Variants in COX10 observed in about 807,000 individuals in gnomAD.
COX10 encodes the protein cytochrome c oxidase assembly factor heme A:farnesyltransferase COX10.
COX10 carries 27 observed loss-of-function variants against 37.3 expected under a neutral mutation model. The ratio of observed to expected loss-of-function variants is 0.72; its 90% CI spans 0.53 to 1.00. The LOEUF (loss-of-function observed/expected upper bound fraction) is 1.00, where lower values mean the gene tolerates loss of function less well. Ranked by LOEUF, COX10 falls within the 50% of genes least tolerant of loss-of-function variation. The pLI is 0.00. For missense variants in COX10, 475 were observed against 563.2 expected (o/e 0.84, Z 1.59); for synonymous variants, 222 against 229.1 (o/e 0.97, Z 0.28).
intron 3 of COX10, among the ~76,000 whole-genome samples, chr17:14,080,513 A>G (rs1003781099): frequency 5.9e-5 from 9 of 152,178 alleles, no homozygotes; most frequent in Admixed American, 5.9e-4. Context: ...GCACCCGGCC[A>G]GCATTTGGGA....
intron 2 of COX10, among the ~76,000 whole-genome samples, 180 bp from the exon 3 acceptor site, chr17:14,076,555 C>G (rs188034832): frequency 6.6e-6 from 1 of 152,110 alleles, no homozygotes; most frequent in African/African-American, 2.4e-5. Context: ...TTCTCCATAT[C>G]TCTTAGTATA....
chr17:14,094,732 A>C (rs1225725998), intron 3 of COX10, among the ~76,000 whole-genome samples: 1 of 152,222 alleles, frequency 6.6e-6, no homozygotes, highest in Non-Finnish European at 1.5e-5. Flanking sequence ...TGTAAAGTCC[A>C]AGTGCAGTGA....
At chr17:14,145,825 G>C (rs894052304) in intron 4 of COX10, among the ~76,000 whole-genome samples, 1 of 152,132 alleles carries the variant, frequency 6.6e-6, no homozygotes, top group Admixed American at 6.6e-5. Flanking sequence ...AAAATAGCCT[G>C]AATTAAGGAA....
chr17:14,201,940 T>C (rs917309), intron 6 of COX10, among the ~76,000 whole-genome samples: 113,410 of 152,066 alleles, frequency 0.75, 42,808 homozygotes, highest in Non-Finnish European at 0.81. Flanking sequence ...CATCAAAATA[T>C]AAAGAAGTCT....
At chr17:14,106,103 A>G (rs1423296471) in intron 4 of COX10, among the ~76,000 whole-genome samples, 1 of 151,682 alleles carries the variant, frequency 6.6e-6, no homozygotes, top group East Asian at 1.9e-4. Context: ...AACCTCCTCC[A>G]CCTCCTGGGT....
intron 1 of COX10, among the ~76,000 whole-genome samples, chr17:14,070,085 G>T (rs1179363104): frequency 6.6e-6 from 1 of 152,184 alleles, no homozygotes; most frequent in Admixed American, 6.5e-5. Flanking sequence ...CAACGTTGAT[G>T]ATAATGACAG....
rs933065071 is a variant in COX10, at chr17:14,076,078, A to T, written c.178-657A>T. Among the ~76,000 whole-genome samples, 27 of 149,408 alleles carry T rather than the reference A, an allele frequency of 1.8e-4. 1 individual carries two copies. The Admixed American group carries it at 1.8e-3, about 10-fold the overall frequency. On this transcript the variant is annotated intron_variant, in intron 2 of 6. Coordinates refer to ENST00000261643, the MANE Select transcript of COX10 (RefSeq NM_001303.4). ...CTATGCTGTTTGCCTGAGAACATGG[A>T]AAGTCAACAGGTTGACTTGGGCTCT... is the stretch of plus-strand genomic sequence containing the variant.
chr17:14,085,407 T>C (rs1033570178), intron 3 of COX10, among the ~76,000 whole-genome samples: 5 of 152,214 alleles, frequency 3.3e-5, no homozygotes, highest in Admixed American at 1.3e-4. Context: ...TTTTAAAGGT[T>C]GATAGTATTC....
chr17:14,188,769 A>T (rs932150539), intron 5 of COX10, among the ~76,000 whole-genome samples: 6 of 152,174 alleles, frequency 3.9e-5, no homozygotes, highest in African/African-American at 1.4e-4. Context: ...TGATGAGAGG[A>T]ATGAGCAGGA....
intron 5 of COX10, among the ~76,000 whole-genome samples, chr17:14,161,318 T>C (rs1219410841): frequency 6.6e-6 from 1 of 152,198 alleles, no homozygotes; most frequent in Non-Finnish European, 1.5e-5. Flanking sequence ...CTAGAATCCC[T>C]AATGTCCAAA....
chr17:14,202,722 C>G (rs1906581619), intron 6 of COX10, among the ~76,000 whole-genome samples: 1 of 151,506 alleles, frequency 6.6e-6, no homozygotes, highest in Non-Finnish European at 1.5e-5. Context: ...TGAGTAACCC[C>G]CCTCTGCCAC....
At chr17:14,161,324 C>G (rs1448429934) in intron 5 of COX10, among the ~76,000 whole-genome samples, 1 of 152,112 alleles carries the variant, frequency 6.6e-6, no homozygotes, top group Non-Finnish European at 1.5e-5. Context: ...TCCCTAATGT[C>G]CAAAGGCCCG....
chr17:14,192,992 TACACTCCA>T (rs1257014933), intron 6 of COX10, among the ~76,000 whole-genome samples: 2 of 152,196 alleles, frequency 1.3e-5, no homozygotes, highest in African/African-American at 4.8e-5. Context: ...TAAAAGCTCT[TACACTCCA>T]ATTTGGCAAG....
intron 3 of COX10, among the ~76,000 whole-genome samples, chr17:14,089,202 G>C (rs1392292198): frequency 6.6e-6 from 1 of 152,246 alleles, no homozygotes; most frequent in Non-Finnish European, 1.5e-5. Context: ...ACATGAAGCT[G>C]CCTGCCTCTT....
rs548738011 is a variant in COX10, at chr17:14,080,919, C to A, written c.499+3863C>A. 2.6e-5 allele frequency among the ~76,000 whole-genome samples: 4 copies of A among 152,136 alleles called. No homozygotes were observed. In the East Asian group the frequency reaches 7.7e-4, roughly 29 times the overall value. On this transcript the variant is annotated intron_variant, in intron 3 of 6. Transcript: ENST00000261643. Reference sequence around the variant, plus strand: ...TTTCATCACCCTGTGGTTACAAAAACATTCACTCATGTTTTCCTCTGATGC... The same window carrying A: ...TTTCATCACCCTGTGGTTACAAAAAAATTCACTCATGTTTTCCTCTGATGC...
chr17:14,074,544 T>C, intron 2 of COX10, 88 bp downstream of exon 2: 1 of 1,261,400 alleles, frequency 7.9e-7, no homozygotes, highest in Non-Finnish European at 1.2e-6. Context: ...AATTAAAGTT[T>C]TAAGAAATAC....
intron 3 of COX10, among the ~76,000 whole-genome samples, chr17:14,091,740 G>T (rs545646853): frequency 6.6e-6 from 1 of 152,098 alleles, no homozygotes; most frequent in Non-Finnish European, 1.5e-5. Context: ...GTAGCTAAAC[G>T]CTAAATACCA....
intron 5 of COX10, among the ~76,000 whole-genome samples, chr17:14,168,252 C>A (rs2142245821): frequency 6.6e-6 from 1 of 152,382 alleles, no homozygotes; most frequent in Middle Eastern, 3.4e-3. Context: ...CCAGGGCACA[C>A]TGATGCAAGG....
At position 14,159,926 on chromosome 17, in the gene COX10, C is replaced by T. The variant is rs104894556; in HGVS notation, c.674C>T (p.Pro225Leu). ...DSNMNRTKNR[P>L]LVRGQISPLL... is the part of the protein sequence containing the mutation. ...AACATGAATAGGACAAAGAACAGAC[C>T]GCTGGTTCGTGGACAGATCAGGTAA... Residue 225 changes from proline (P) to leucine (L), a missense_variant, in exon 5 of 7, where the codon CCG (proline) becomes CTG (leucine). By Grantham distance (98) the Pro-to-Leu change is moderately conservative (BLOSUM62 -3). Around this residue, in one of 5 missense-constraint regions of COX10, gnomAD observed 54 missense variants for 70.6 expected, o/e 0.76. Coordinates refer to ENST00000261643, the MANE Select transcript of COX10 (RefSeq NM_001303.4). 17 of 1,612,358 alleles carry T rather than the reference C, an allele frequency of 1.1e-5. No individual in the cohort carries two copies. The highest frequency in any genetic ancestry group is 4.5e-5 in the East Asian group (2 of 44,806).
Sources: allele counts gnomAD v4.1 joint callset (sites outside exome capture counted in the v4.1 genomes callset), GRCh38; gene constraint gnomAD v4.1.1; regional missense constraint gnomAD v4.1.1; transcripts MANE v1.5; gene names NCBI Gene and HGNC (gene_info 2026-07-23, HGNC 2026-07-21).